The following HFM1 variants were observed in gnomAD, a reference collection of about 807,000 sequenced individuals.
The protein encoded by HFM1 is probable ATP-dependent DNA helicase HFM1.
In HFM1, 169 loss-of-function variants were observed where a neutral mutation model predicts 192.1. The observed-to-expected ratio is 0.88, with a 90% CI of 0.78 to 1.00. The LOEUF is 1.00. Ranked by LOEUF, HFM1 falls within the 50% of genes least tolerant of loss-of-function variation. HFM1 has a pLI of 0.00. For missense variants in HFM1, 1,661 were observed against 1,668.0 expected, an observed-to-expected ratio of 1.00 and a Z score of 0.07; for synonymous variants, 525 against 537.8, an observed-to-expected ratio of 0.98 and a Z score of 0.33.
At chr1:91,307,007 T>C (rs893540132) in intron 30 of HFM1, among the ~76,000 whole-genome samples, 1 of 152,182 alleles carries the variant, frequency 6.6e-6, no homozygotes, top group Non-Finnish European at 1.5e-5. Flanking sequence ...CTTTTGAATA[T>C]CTTCAGTAAC....
In HFM1 at chr1:91,374,352, C is replaced by T. The variant is rs117676536; in HGVS notation, c.1685+1006G>A. On this transcript the variant is annotated intron_variant, in intron 13 of 38. Coordinates refer to ENST00000370425, the MANE Select transcript of HFM1 (RefSeq NM_001017975.6). ...TAAAGGGTTTTAGGCAGGAAACTGC[C>T]ATTTAGATTTGCAATCTTACACAAT... Among the ~76,000 whole-genome samples, 527 of 152,206 alleles carry T rather than the reference C, an allele frequency of 3.5e-3. 30 individuals are homozygous for T. The East Asian group carries it at 0.086, about 25-fold the overall frequency.
Position 91,261,122 on chromosome 1 carries a change from G to A in HFM1, c.*168C>T, listed in dbSNP as rs41286773. The A allele has an allele frequency of 0.024, 9,013 of 378,734 alleles. 138 individuals carry two copies. Among genetic ancestry groups the A allele is most frequent in the Non-Finnish European group, 0.034 (6,990 of 204,014 alleles). 23.5% of individuals were successfully genotyped at this position (378,734 alleles called of 1,614,324 possible). ...TTTTCAAGAAGTTACAATATAATGG[G>A]AAAATAAATCGGCCCATACATTTTG... On this transcript the variant is annotated 3_prime_UTR_variant, in exon 39 of 39. Transcript: ENST00000370425.
intron 30 of HFM1, among the ~76,000 whole-genome samples, chr1:91,288,349 G>A (rs545609852): frequency 6.7e-4 from 101 of 151,336 alleles, no homozygotes; most frequent in Non-Finnish European, 1.3e-3. Context: ...AGAGAGTGGG[G>A]GCCAATATTC....
intron 23 of HFM1, among the ~76,000 whole-genome samples, chr1:91,322,071 T>C (rs34507721): frequency 0.2 from 30,759 of 152,200 alleles, 3,804 homozygotes; most frequent in South Asian, 0.35. Context: ...AAGTTTACTA[T>C]GATCTCTAAG....
chr1:91,262,344 T>C lies in HFM1; in HGVS notation c.4135A>G (p.Lys1379Glu). Reference sequence around the variant, plus strand: ...TTTTCAGAGAAAGTAAAGCATTGCTTCTCAATCTCTGGTGACAGATTTTGT... The same window carrying C: ...TTTTCAGAGAAAGTAAAGCATTGCTCCTCAATCTCTGGTGACAGATTTTGT... ...KPQNLSPEIE[K>E]QCFTFSEKNP... is the part of the protein sequence containing the mutation. The change falls in exon 38 of 39, where the codon AAG becomes GAG. Residue 1379 changes from lysine to glutamate, a missense_variant. Transcript: ENST00000370425. The C allele has an allele frequency of 6.3e-7, 1 of 1,574,956 alleles. No individual in the cohort carries two copies. The highest frequency in any genetic ancestry group is 8.6e-7 in the Non-Finnish European group (1 of 1,159,096).
chr1:91,384,852 T>C (rs1483700172), intron 6 of HFM1, among the ~76,000 whole-genome samples: 2 of 151,598 alleles, frequency 1.3e-5, no homozygotes, highest in Admixed American at 1.3e-4. Flanking sequence ...CAAGCGATTC[T>C]CCTCCCTCAG....
chr1:91,371,828 C>A (rs282042), intron 13 of HFM1, among the ~76,000 whole-genome samples: 3 of 152,090 alleles, frequency 2.0e-5, no homozygotes, highest in South Asian at 2.1e-4. Context: ...AAATTTTTGC[C>A]ATCTACTCAT....
At chr1:91,293,342 A>C (rs1179508424) in intron 30 of HFM1, among the ~76,000 whole-genome samples, 1 of 152,216 alleles carries the variant, frequency 6.6e-6, no homozygotes, top group Non-Finnish European at 1.5e-5. Flanking sequence ...CAAAGAACTC[A>C]AACAAATTTA....
At chr1:91,345,627 G>A (rs1837543) in intron 19 of HFM1, among the ~76,000 whole-genome samples, 152,132 of 152,314 alleles carry the variant, frequency 1, 75,975 homozygotes, top group Non-Finnish European at 1. Context: ...AAGGCATTTC[G>A]AACTCAATAA....
At chr1:91,311,677 GA>G (rs1474733374) in intron 30 of HFM1, among the ~76,000 whole-genome samples, 1 of 151,622 alleles carries the variant, frequency 6.6e-6, no homozygotes, top group Non-Finnish European at 1.5e-5. Context: ...CAATAGAAAA[GA>G]AAAACCCATT....
intron 4 of HFM1, among the ~76,000 whole-genome samples, chr1:91,390,465 G>A (rs1284770739): frequency 1.3e-5 from 2 of 150,512 alleles, no homozygotes; most frequent in African/African-American, 4.9e-5. Flanking sequence ...AAGAAAGGAA[G>A]GAAGGAAGGA....
chr1:91,274,425 A>C (rs1392898010), intron 33 of HFM1, among the ~76,000 whole-genome samples: 1 of 152,124 alleles, frequency 6.6e-6, no homozygotes, highest in African/African-American at 2.4e-5. Context: ...TCCATTTTAA[A>C]GTATACTCTT....
chr1:91,375,554 C>T lies in HFM1; in HGVS notation c.1569G>A (p.Met523Ile), dbSNP rs921966538. 2 of 1,613,374 alleles carry T rather than the reference C, an allele frequency of 1.2e-6. No homozygotes were observed. Among genetic ancestry groups the T allele is most frequent in the African/African-American group, 2.7e-5 (2 of 74,998 alleles). ...CAAGTGTGGGTTTCTGATCAGAGTA[C>T]ATTTGTATAACACTGGCAATTTTGT... Reference protein sequence around the residue: ...LNYKIASVIQMYSDQKPTLVF... With the variant: ...LNYKIASVIQIYSDQKPTLVF... Residue 523 changes from methionine to isoleucine, a missense_variant, in exon 12 of 39, where the codon ATG (methionine) becomes ATA (isoleucine). Coordinates refer to ENST00000370425, the MANE Select transcript of HFM1 (RefSeq NM_001017975.6).
chr1:91,315,308 C>T (rs182163459), intron 28 of HFM1, among the ~76,000 whole-genome samples: 1 of 152,036 alleles, frequency 6.6e-6, no homozygotes, highest in Non-Finnish European at 1.5e-5. Flanking sequence ...AATAATAGTA[C>T]CTGGAAAAAT....
At chr1:91,288,366 C>CTTT (rs35536576) in intron 30 of HFM1, among the ~76,000 whole-genome samples, 2 of 134,330 alleles carry the variant, frequency 1.5e-5, no homozygotes, top group African/African-American at 5.5e-5. Context: ...ATTCAACATT[C>CTTT]TTTTTTTTTT....
chr1:91,352,290 C>T (rs1165624275), intron 16 of HFM1, among the ~76,000 whole-genome samples: 1 of 151,176 alleles, frequency 6.6e-6, no homozygotes, highest in Non-Finnish European at 1.5e-5. Context: ...TTCATAAACC[C>T]ATCCCCTCAT....
intron 30 of HFM1, among the ~76,000 whole-genome samples, chr1:91,305,639 C>T (rs1649490742): frequency 6.6e-6 from 1 of 151,788 alleles, no homozygotes; most frequent in African/African-American, 2.4e-5. Context: ...GTAATCATAG[C>T]TCACTGTAAC....
chr1:91,309,164 T>C (rs1650077175), intron 30 of HFM1, among the ~76,000 whole-genome samples: 2 of 152,198 alleles, frequency 1.3e-5, no homozygotes, highest in African/African-American at 2.4e-5. Context: ...TTTATCATAA[T>C]TGCCAATACT....
In HFM1 at chr1:91,300,766, T is replaced by G. The variant is rs186500843; in HGVS notation, c.3391+12583A>C. 3.3e-3 allele frequency among the ~76,000 whole-genome samples: 501 copies of G among 152,140 alleles called. 2 individuals carry two copies. The highest frequency in any genetic ancestry group is 0.024 in the Middle Eastern group (7 of 294). ...ATGCTAAAAACTCTCAATAAATTAG[T>G]TATTGATGGGACGTATCTCAAAGTA... On this transcript the variant is annotated intron_variant, in intron 30 of 38. Coordinates refer to ENST00000370425, the MANE Select transcript of HFM1 (RefSeq NM_001017975.6).
Sources: allele counts gnomAD v4.1 joint callset (sites outside exome capture counted in the v4.1 genomes callset), GRCh38; gene constraint gnomAD v4.1.1; transcripts MANE v1.5; gene names NCBI Gene and HGNC (gene_info 2026-07-23, HGNC 2026-07-21).